The following RABGEF1 variants were observed in gnomAD, a reference collection of about 807,000 sequenced individuals.
RABGEF1 encodes the protein rab5 GDP/GTP exchange factor.
In RABGEF1, 26 loss-of-function variants were observed where a neutral mutation model predicts 57.3. That is an observed-to-expected ratio of 0.45 (90% CI 0.33 to 0.63). The LOEUF is 0.63. RABGEF1 is among the 20% of genes least tolerant of loss of function. The pLI, the probability that RABGEF1 is intolerant of heterozygous loss-of-function variation, is 0.02. For missense variants in RABGEF1, 464 were observed against 607.6 expected, an observed-to-expected ratio of 0.76 and a Z score of 2.48; for synonymous variants, 185 against 210.7, an observed-to-expected ratio of 0.88 and a Z score of 1.06.
At chr7:66,778,432 G>C (rs1333510847) in intron 3 of RABGEF1, among the ~76,000 whole-genome samples, 6 of 152,198 alleles carry the variant, frequency 3.9e-5, no homozygotes, top group Non-Finnish European at 8.8e-5. Flanking sequence ...CAGGGTGAGT[G>C]AGCTGTATAG....
intron 1 of RABGEF1, among the ~76,000 whole-genome samples, chr7:66,700,500 AGGGGAGGGGAAAGGGGAGTTG>A (rs1793088499): frequency 1.7e-5 from 1 of 57,562 alleles, no homozygotes; most frequent in African/African-American, 4.6e-5. Context: ...AGGGGGAGGT[AGGGGAGGGGAAAGGGGAGTTG>A]GGGGAGGGGA....
chr7:66,798,652 C>T (rs1786592425), intron 6 of RABGEF1, among the ~76,000 whole-genome samples: 1 of 152,150 alleles, frequency 6.6e-6, no homozygotes, highest in South Asian at 2.1e-4. Context: ...CCTATACAAG[C>T]TCCAGTGTGC....
At chr7:66,716,397 T>G (rs1166470876) in intron 2 of RABGEF1, among the ~76,000 whole-genome samples, 2 of 152,092 alleles carry the variant, frequency 1.3e-5, no homozygotes, top group Non-Finnish European at 2.9e-5. Flanking sequence ...GCCAGGAGTT[T>G]GAGACCAGCC....
exon 1 of RABGEF1, chr7:66,682,181 C>G (rs1441507570): frequency 6.0e-6 from 1 of 167,518 alleles, no homozygotes; most frequent in African/African-American, 2.4e-5. Flanking sequence ...TGCCGAGCGA[C>G]GTGGGCGAGC....
At position 66,809,228 on chromosome 7, in the gene RABGEF1, A is replaced by G; in HGVS notation, c.1420A>G (p.Asn474Asp). 6.2e-7 allele frequency: 1 copy of G among 1,612,936 alleles called. No homozygotes were observed. The highest frequency in any genetic ancestry group is 2.2e-5 in the East Asian group (1 of 44,850). The change falls in exon 9 of 9, where the codon AAC (asparagine) becomes GAC (aspartate). Residue 474 changes from asparagine to aspartate, a missense_variant. By Grantham distance (23) the Asn-to-Asp change is conservative. Around this residue, in one of 4 missense-constraint regions of RABGEF1, gnomAD observed 151 missense variants for 152.2 expected, o/e 0.99. Coordinates refer to ENST00000284957, the MANE Select transcript of RABGEF1 (RefSeq NM_014504.3). ...NQPLAAIDSE[N>D]VENDKLPPPL... Reference sequence around the variant, plus strand: ...ACCGTTAGCAGCTATTGACTCTGAAAACGTTGAAAATGATAAACTTCCTCC... The same window carrying G: ...ACCGTTAGCAGCTATTGACTCTGAAGACGTTGAAAATGATAAACTTCCTCC...
At chr7:66,762,536 C>G (rs1804689285) in intron 1 of RABGEF1, among the ~76,000 whole-genome samples, 1 of 151,898 alleles carries the variant, frequency 6.6e-6, no homozygotes, top group South Asian at 2.1e-4. Context: ...GTGTTGTGAG[C>G]CATGATCACA....
chr7:66,796,738 G>T, intron 5 of RABGEF1: 1 of 315,118 alleles, frequency 3.2e-6, no homozygotes, highest in Non-Finnish European at 6.2e-6. Context: ...TTACAGGTGC[G>T]TGCCACCACA....
rs1458605193 is a variant in RABGEF1 at position 66,765,126 on chromosome 7, T to G, written c.-17-6757T>G. Among the ~76,000 whole-genome samples, 4 of 151,672 alleles carry G rather than the reference T, an allele frequency of 2.6e-5. No homozygotes were observed. The East Asian group carries it at 7.8e-4, about 29-fold the overall frequency. On this transcript the variant is annotated intron_variant, in intron 1 of 8. Transcript: ENST00000284957. ...GAAGGTCATGGGTGCACAGGTCCTATGAGGCTTAGTTGGGTGAAAAGGTGG... is the reference window on the plus strand; with the variant it reads ...GAAGGTCATGGGTGCACAGGTCCTAGGAGGCTTAGTTGGGTGAAAAGGTGG...
chr7:66,805,233 C>T lies in RABGEF1; in HGVS notation c.914C>T (p.Thr305Ile). The change falls in exon 8 of 9, where the codon ACC (threonine) becomes ATC (isoleucine). Residue 305 changes from threonine to isoleucine, a missense_variant. Transcript: ENST00000284957. ...SKHIFNAIKITKNEPASADDF... is the reference protein window; with the variant it reads ...SKHIFNAIKIIKNEPASADDF... ...CACATCTTCAATGCCATCAAGATCA[C>T]CAAGAATGAGCCGGCGTCAGCGGAT... 1 of 1,614,190 alleles carries T rather than the reference C, an allele frequency of 6.2e-7. No homozygotes were observed. The highest frequency in any genetic ancestry group is 8.5e-7 in the Non-Finnish European group (1 of 1,180,042).
intron 1 of RABGEF1, among the ~76,000 whole-genome samples, chr7:66,742,130 G>A (rs1467364096): frequency 6.7e-6 from 1 of 149,250 alleles, no homozygotes; most frequent in Non-Finnish European, 1.5e-5. Flanking sequence ...CAGCCTGGGC[G>A]ACAGAGCTAG....
intron 4 of RABGEF1, among the ~76,000 whole-genome samples, chr7:66,794,060 A>G (rs560214842): frequency 4.8e-4 from 73 of 152,318 alleles, no homozygotes; most frequent in African/African-American, 1.7e-3. Context: ...CCTGAATTAC[A>G]TAACTGTTTT....
intron 3 of RABGEF1, among the ~76,000 whole-genome samples, chr7:66,777,577 T>G (rs1462703438): frequency 3.9e-5 from 6 of 152,144 alleles, no homozygotes; most frequent in African/African-American, 1.4e-4. Context: ...CAGTGTGCAT[T>G]ATACTATTGA....
intron 1 of RABGEF1, among the ~76,000 whole-genome samples, chr7:66,760,300 A>G (rs1200107426): frequency 2.0e-5 from 3 of 152,154 alleles, no homozygotes; most frequent in African/African-American, 7.2e-5. Flanking sequence ...TTTAAGATGC[A>G]CTTTTTAGAA....
At chr7:66,684,733 C>T (rs1327455799) in intron 1 of RABGEF1, among the ~76,000 whole-genome samples, 3 of 152,144 alleles carry the variant, frequency 2.0e-5, no homozygotes, top group African/African-American at 7.2e-5. Flanking sequence ...CTCCAGGGTT[C>T]ATGCCATTCT....
At position 66,809,479 on chromosome 7, in the gene RABGEF1, T is replaced by C. The variant is rs1304289565; in HGVS notation, c.*195T>C. The C allele has an allele frequency of 1.9e-6, 1 of 528,738 alleles. No individual in the cohort carries two copies. Among genetic ancestry groups the C allele is most frequent in the Non-Finnish European group, 3.1e-6 (1 of 323,284 alleles). 32.8% of individuals were successfully genotyped at this position (528,738 alleles called of 1,614,324 possible). A position where few individuals can be genotyped will look rare whatever the true frequency, so the allele number is the denominator to read the frequency against. ...ATAATAAAATACTACTTATTTGAGT[T>C]ACTGATACAGATTCATTTAAGGCTT... On this transcript the variant is annotated 3_prime_UTR_variant, in exon 9 of 9. Transcript: ENST00000284957.
At chr7:66,803,807 T>G in intron 7 of RABGEF1, among the ~76,000 whole-genome samples, 1 of 151,294 alleles carries the variant, frequency 6.6e-6, no homozygotes, top group Non-Finnish European at 1.5e-5. Context: ...GAGAATCGCT[T>G]GAACCCGGGA....
At chr7:66,654,854 G>A in the RABGEF1 span, among the ~76,000 whole-genome samples, 1 of 152,238 alleles carries the variant, frequency 6.6e-6, no homozygotes, top group Non-Finnish European at 1.5e-5. Flanking sequence ...CTCACAGTGC[G>A]CGGCTTCTCC....
chr7:66,675,345 G>A, the RABGEF1 span, among the ~76,000 whole-genome samples: 1 of 151,494 alleles, frequency 6.6e-6, no homozygotes, highest in African/African-American at 2.4e-5. Context: ...CAGGAGAATC[G>A]CTTGAACCTG....
chr7:66,739,531 G>A (rs1442576349), upstream of RABGEF1, among the ~76,000 whole-genome samples: 3 of 151,330 alleles, frequency 2.0e-5, no homozygotes, highest in Non-Finnish European at 2.9e-5. Flanking sequence ...GCGTGGTGGC[G>A]GGTGCCTGTA....
Sources: gnomAD v4.1 joint callset for allele counts (sites outside exome capture counted in the v4.1 genomes callset) on GRCh38, gnomAD v4.1.1 for gene constraint, gnomAD v4.1.1 regional missense constraint, MANE v1.5 for transcripts, NCBI Gene and HGNC (gene_info 2026-07-23, HGNC 2026-07-21) for gene names.